The following AGBL1 variants were observed in gnomAD, a reference collection of about 807,000 sequenced individuals.
AGBL1 encodes cytosolic carboxypeptidase 4.
Under a neutral mutation model 118.9 loss-of-function variants are expected in AGBL1, and 130 were observed. The ratio of observed to expected loss-of-function variants is 1.09; its 90% CI spans 0.95 to 1.26. The LOEUF is 1.26. Ranked by LOEUF, AGBL1 falls within the 50% of genes most tolerant of loss-of-function variation. The pLI is 0.00. For missense variants in AGBL1, 1,584 were observed against 1,298.1 expected (o/e 1.22, Z -3.38); for synonymous variants, 555 against 478.9 (o/e 1.16, Z -2.08).
intron 22 of AGBL1, among the ~76,000 whole-genome samples, chr15:86,827,509 A>ATATGTATATATG (rs2079045106): frequency 1.5e-5 from 1 of 66,584 alleles, no homozygotes; most frequent in African/African-American, 4.7e-5. Flanking sequence ...ATATATATAT[A>ATATGTATATATG]TATATATATA....
chr15:87,027,464 TGC>T (rs1222758567), intron 24 of AGBL1, among the ~76,000 whole-genome samples: 1 of 37,704 alleles, frequency 2.7e-5, no homozygotes, highest in Admixed American at 3.2e-4. Flanking sequence ...AGATGTATTA[TGC>T]ATTATATAAT....
At chr15:86,534,996 A>G (rs1302847506) in intron 19 of AGBL1, among the ~76,000 whole-genome samples, 1 of 152,202 alleles carries the variant, frequency 6.6e-6, no homozygotes, top group Non-Finnish European at 1.5e-5. Flanking sequence ...TATATTCAGG[A>G]TCTGCGTTTT....
chr15:86,155,441 C>A (rs2077175353), intron 4 of AGBL1, among the ~76,000 whole-genome samples: 2 of 152,060 alleles, frequency 1.3e-5, no homozygotes, highest in African/African-American at 2.4e-5. Context: ...CAGAGTGAGA[C>A]CTTGTCTTAA....
At chr15:87,001,635 G>A (rs1029172067) in intron 24 of AGBL1, among the ~76,000 whole-genome samples, 3 of 151,950 alleles carry the variant, frequency 2.0e-5, no homozygotes, top group Non-Finnish European at 4.4e-5. Context: ...ATCCTCTCCA[G>A]CACCTGTTGT....
At chr15:86,865,005 A>G (rs1396670734) in intron 22 of AGBL1, among the ~76,000 whole-genome samples, 2 of 152,072 alleles carry the variant, frequency 1.3e-5, no homozygotes, top group Non-Finnish European at 2.9e-5. Flanking sequence ...TACCATCCTG[A>G]TGGGAATATT....
intron 7 of AGBL1, among the ~76,000 whole-genome samples, 153 bp from the exon 8 acceptor site, chr15:86,256,700 G>A (rs1365553265): frequency 6.6e-6 from 1 of 152,200 alleles, no homozygotes; most frequent in African/African-American, 2.4e-5. Context: ...CTACATTAAG[G>A]CTGTTTACGG....
chr15:86,811,856 G>A (rs1471587144), intron 22 of AGBL1, among the ~76,000 whole-genome samples: 2 of 152,162 alleles, frequency 1.3e-5, no homozygotes, highest in African/African-American at 4.8e-5. Context: ...CAACTTTTGG[G>A]TTTAGAACCC....
intron 22 of AGBL1, among the ~76,000 whole-genome samples, chr15:86,713,449 C>T (rs541513509): frequency 6.6e-6 from 1 of 152,148 alleles, no homozygotes. Context: ...TTGCTTTAAA[C>T]ATAATCCCAC....
chr15:86,836,292 A>G (rs1384934049), intron 22 of AGBL1, among the ~76,000 whole-genome samples: 1 of 152,152 alleles, frequency 6.6e-6, no homozygotes, highest in East Asian at 1.9e-4. Flanking sequence ...CAAGGCGGGG[A>G]AGTAGAGAAG....
At chr15:86,709,993 A>G (rs1443706013) in intron 22 of AGBL1, among the ~76,000 whole-genome samples, 1 of 152,186 alleles carries the variant, frequency 6.6e-6, no homozygotes, top group African/African-American at 2.4e-5. Flanking sequence ...TGCTTCAAAG[A>G]TGAGCAATAT....
At chr15:86,344,649 G>A (rs946506518) in intron 17 of AGBL1, among the ~76,000 whole-genome samples, 3 of 151,866 alleles carry the variant, frequency 2.0e-5, no homozygotes, top group Non-Finnish European at 2.9e-5. Flanking sequence ...AATTTTCTGA[G>A]CATCTCTGGG....
intron 22 of AGBL1, among the ~76,000 whole-genome samples, chr15:86,843,263 G>A (rs894668690): frequency 6.6e-6 from 1 of 152,128 alleles, no homozygotes; most frequent in Admixed American, 6.5e-5. Flanking sequence ...TGAGGGCCCT[G>A]CTGTAGAGAG....
intron 22 of AGBL1, among the ~76,000 whole-genome samples, chr15:86,868,219 C>T (rs757792130): frequency 3.9e-5 from 6 of 152,088 alleles, no homozygotes; most frequent in South Asian, 4.2e-4. Flanking sequence ...CAGCCATGGA[C>T]GTAGAGTGAA....
chr15:86,804,859 CT>C (rs2078695806), intron 22 of AGBL1, among the ~76,000 whole-genome samples: 1 of 152,130 alleles, frequency 6.6e-6, no homozygotes, highest in Admixed American at 6.6e-5. Flanking sequence ...TCCAAACTCA[CT>C]TTCCACAAAG....
chr15:86,904,652 GTTA>G (rs199828815), intron 22 of AGBL1, among the ~76,000 whole-genome samples: 2,892 of 148,206 alleles, frequency 0.02, 98 homozygotes, highest in African/African-American at 0.067. Flanking sequence ...ATAAATGTAT[GTTA>G]TTATATATAA....
chr15:86,523,699 C>A (rs1286157255), intron 19 of AGBL1, among the ~76,000 whole-genome samples: 1 of 76,724 alleles, frequency 1.3e-5, no homozygotes. Context: ...TTATGTTCAA[C>A]TAATACTTAT....
intron 18 of AGBL1, among the ~76,000 whole-genome samples, chr15:86,480,407 T>C (rs934747274): frequency 1.3e-5 from 2 of 152,138 alleles, no homozygotes; most frequent in African/African-American, 2.4e-5. Flanking sequence ...TAAATGCTTA[T>C]GTTAGAGTTC....
intron 1 of AGBL1, among the ~76,000 whole-genome samples, chr15:86,134,602 GCCTTT>G (rs1421084217): frequency 2.6e-4 from 33 of 127,006 alleles, no homozygotes; most frequent in South Asian, 5.4e-4. Context: ...GATCAATGGT[GCCTTT>G]TTTTTTTTTT....
intron 21 of AGBL1, among the ~76,000 whole-genome samples, chr15:86,562,134 A>T (rs1436656161): frequency 1.3e-5 from 2 of 152,158 alleles, no homozygotes; most frequent in Non-Finnish European, 2.9e-5. Context: ...TTCCTAATGG[A>T]ATACCCTTTA....
Sources: allele counts gnomAD v4.1 joint callset (sites outside exome capture counted in the v4.1 genomes callset), GRCh38; gene constraint gnomAD v4.1.1; transcripts MANE v1.5; gene names NCBI Gene and HGNC (gene_info 2026-07-23, HGNC 2026-07-21).